The following PPFIBP1 variants were observed in gnomAD, a reference collection of about 807,000 sequenced individuals.
PPFIBP1 encodes liprin-beta-1.
Under a neutral mutation model 137.8 loss-of-function variants are expected in PPFIBP1, and 112 were observed. The ratio of observed to expected loss-of-function variants is 0.81; its 90% CI spans 0.70 to 0.95. The LOEUF (loss-of-function observed/expected upper bound fraction) is 0.95. Ranked by LOEUF, PPFIBP1 falls within the 40% of genes least tolerant of loss-of-function variation. PPFIBP1 has a pLI of 0.00. For synonymous variants in PPFIBP1, 378 were observed against 417.3 expected, an observed-to-expected ratio of 0.91 and a Z score of 1.15; for missense variants, 1,083 against 1,196.6, an observed-to-expected ratio of 0.91 and a Z score of 1.40.
chr12:27,532,856 A>G (rs1275935631), intron 1 of PPFIBP1, among the ~76,000 whole-genome samples: 1 of 152,212 alleles, frequency 6.6e-6, no homozygotes, highest in Non-Finnish European at 1.5e-5. Flanking sequence ...ACCTTAAAAC[A>G]GGATGTTTTT....
intron 8 of PPFIBP1, 66 bp from the exon 9 acceptor site, chr12:27,656,550 A>G: frequency 3.1e-6 from 3 of 959,140 alleles, no homozygotes; most frequent in Admixed American, 1.8e-5. Context: ...TAAAGAGCTA[A>G]TATGCTCTCT....
chr12:27,692,844 C>G lies in PPFIBP1; in HGVS notation c.2980C>G (p.Pro994Ala). Reference sequence around the variant, plus strand: ...GTTTAAAGATTTTGCTGCCCGTTCCCCCAGTGCCAGCATTACAGATGAAGA... The same window carrying G: ...GTTTAAAGATTTTGCTGCCCGTTCCGCCAGTGCCAGCATTACAGATGAAGA... ...DMFKDFAARS[P>A]SASITDEDSN... Residue 994 changes from proline (P) to alanine (A), a missense_variant, in exon 30 of 30, where the codon CCC (proline) becomes GCC (alanine). Pro to Ala is a conservative substitution (Grantham distance 27, BLOSUM62 -1). Coordinates refer to ENST00000228425, the MANE Select transcript of PPFIBP1 (RefSeq NM_003622.4). The G allele has an allele frequency of 6.2e-7, 1 of 1,614,090 alleles. No individual in the cohort carries two copies. The highest frequency in any genetic ancestry group is 8.5e-7 in the Non-Finnish European group (1 of 1,180,020).
At chr12:27,561,522 A>T (rs925921330) in intron 1 of PPFIBP1, among the ~76,000 whole-genome samples, 4 of 152,188 alleles carry the variant, frequency 2.6e-5, no homozygotes, top group African/African-American at 9.7e-5. Flanking sequence ...TCGTTGGATA[A>T]AATGTGTCAT....
chr12:27,636,130 T>G (rs1249368943), intron 4 of PPFIBP1: 1 of 152,174 alleles, frequency 6.6e-6, no homozygotes, highest in Non-Finnish European at 1.5e-5. Flanking sequence ...TCATATGATG[T>G]GACACAAATA....
intron 18 of PPFIBP1, 143 bp from the exon 19 acceptor site, chr12:27,676,921 C>A: frequency 9.9e-7 from 1 of 1,014,432 alleles, no homozygotes; most frequent in Non-Finnish European, 1.5e-6. Flanking sequence ...CTGTGTGTAA[C>A]ATCAGAAGCA....
chr12:27,678,758 T>C (rs2060678311), intron 19 of PPFIBP1, among the ~76,000 whole-genome samples: 1 of 148,520 alleles, frequency 6.7e-6, no homozygotes, highest in South Asian at 2.1e-4. Context: ...CCTGGGACAC[T>C]GAGGCAGAGA....
At chr12:27,664,699 A>G (rs1395547973) in intron 12 of PPFIBP1, among the ~76,000 whole-genome samples, 1 of 152,144 alleles carries the variant, frequency 6.6e-6, no homozygotes, top group Non-Finnish European at 1.5e-5. Flanking sequence ...AGAGAGAAAA[A>G]CGACAGTATA....
chr12:27,558,491 C>CTCACACACACAAACAT (rs2048888777), intron 1 of PPFIBP1, among the ~76,000 whole-genome samples: 1 of 112,422 alleles, frequency 8.9e-6, no homozygotes, highest in African/African-American at 3.6e-5. Context: ...CACACACACA[C>CTCACACACACAAACAT]ACACGATATT....
intron 1 of PPFIBP1, among the ~76,000 whole-genome samples, chr12:27,577,414 G>A (rs537464229): frequency 6.6e-6 from 1 of 152,260 alleles, no homozygotes; most frequent in South Asian, 2.1e-4. Flanking sequence ...TTATGCATTT[G>A]TAAAACATGT....
chr12:27,674,083 T>G, intron 16 of PPFIBP1, 109 bp from the exon 17 acceptor site: 1 of 941,052 alleles, frequency 1.1e-6, no homozygotes, highest in Non-Finnish European at 1.6e-6. Context: ...ATTTTGTAGC[T>G]TAGAAGTAGA....
chr12:27,527,569 GTC>G (rs1279394560), intron 1 of PPFIBP1, among the ~76,000 whole-genome samples: 1 of 152,130 alleles, frequency 6.6e-6, no homozygotes, highest in Non-Finnish European at 1.5e-5. Context: ...GTTATTACGT[GTC>G]TCTGGCCTAG....
At chr12:27,622,638 C>T (rs541404672) in intron 2 of PPFIBP1, among the ~76,000 whole-genome samples, 14 of 152,318 alleles carry the variant, frequency 9.2e-5, no homozygotes, top group South Asian at 8.3e-4. Flanking sequence ...GACACACACA[C>T]GCACATACTC....
chr12:27,595,263 C>T (rs1344747129), intron 2 of PPFIBP1, among the ~76,000 whole-genome samples: 2 of 152,244 alleles, frequency 1.3e-5, no homozygotes, highest in Admixed American at 6.5e-5. Context: ...CACACACACG[C>T]GCATACACAC....
At chr12:27,569,077 G>A (rs1249690063) in intron 1 of PPFIBP1, among the ~76,000 whole-genome samples, 1 of 152,112 alleles carries the variant, frequency 6.6e-6, no homozygotes, top group African/African-American at 2.4e-5. Flanking sequence ...CTCACTGCTA[G>A]TTCATGGCCC....
At chr12:27,631,465 A>G (rs2057262542) in intron 2 of PPFIBP1, among the ~76,000 whole-genome samples, 1 of 152,142 alleles carries the variant, frequency 6.6e-6, no homozygotes, top group African/African-American at 2.4e-5. Context: ...ATATGTGTTT[A>G]TTACTTGTAT....
chr12:27,647,683 A>T, intron 5 of PPFIBP1, 46 bp from the exon 6 acceptor site: 1 of 1,205,670 alleles, frequency 8.3e-7, no homozygotes. Context: ...ATGCAGTGGG[A>T]CCCAAATTCT....
chr12:27,565,932 T>TA (rs34331329), intron 1 of PPFIBP1, among the ~76,000 whole-genome samples: 55,966 of 151,898 alleles, frequency 0.37, 11,152 homozygotes, highest in African/African-American at 0.51. Context: ...ATAGCCCCCA[T>TA]AACTACCCTT....
intron 2 of PPFIBP1, among the ~76,000 whole-genome samples, chr12:27,620,309 GC>G: frequency 6.6e-6 from 1 of 152,138 alleles, no homozygotes; most frequent in South Asian, 2.1e-4. Flanking sequence ...CTCCCACCAC[GC>G]CTTCTGTGCC....
chr12:27,600,272 C>T (rs2053818461), intron 2 of PPFIBP1, among the ~76,000 whole-genome samples: 1 of 151,958 alleles, frequency 6.6e-6, no homozygotes, highest in African/African-American at 2.4e-5. Flanking sequence ...ACCATCTCTA[C>T]TAAAATACAA....
Sources: allele counts gnomAD v4.1 joint callset (sites outside exome capture counted in the v4.1 genomes callset), GRCh38; gene constraint gnomAD v4.1.1; transcripts MANE v1.5; gene names NCBI Gene and HGNC (gene_info 2026-07-23, HGNC 2026-07-21).